The following TLN2 variants were observed in gnomAD, a reference collection of about 807,000 sequenced individuals.
The protein encoded by TLN2 is talin-2.
Under a neutral mutation model 294.7 loss-of-function variants are expected in TLN2, and 118 were observed. That is an observed-to-expected ratio of 0.40 (90% CI 0.34 to 0.47). The LOEUF (loss-of-function observed/expected upper bound fraction) is 0.47, where lower values mean the gene tolerates loss of function less well. Ranked by LOEUF, TLN2 falls within the 20% of genes least tolerant of loss-of-function variation. The pLI is 0.84. For missense variants in TLN2, 3,083 were observed against 3,282.2 expected (o/e 0.94, Z 1.48); for synonymous variants, 1,431 against 1,304.5 (o/e 1.10, Z -2.09).
In TLN2 at chr15:62,658,402, A is replaced by C. The variant is rs141100742; in HGVS notation, c.788+504A>C. ...CTTGACCCCAGTTTCACTTTGGTGG[A>C]AAGTAGTTGGGACCAGAGTATGCCT... On this transcript the variant is annotated intron_variant, in intron 9 of 58. Transcript: ENST00000636159. Among the ~76,000 whole-genome samples the C allele has an allele frequency of 1.4e-4, 21 of 152,280 alleles. No homozygotes were observed. In the East Asian group the frequency reaches 3.7e-3, roughly 27 times the overall value.
intron 52 of TLN2, among the ~76,000 whole-genome samples, chr15:62,812,983 C>G (rs1345761320): frequency 1.3e-5 from 2 of 152,192 alleles, no homozygotes; most frequent in Admixed American, 6.5e-5. Flanking sequence ...TTTTCTGTAA[C>G]AGGAAGAAGG....
chr15:62,666,273 T>C (rs2054624708), intron 9 of TLN2, among the ~76,000 whole-genome samples: 2 of 152,176 alleles, frequency 1.3e-5, no homozygotes, highest in African/African-American at 4.8e-5. Context: ...GTGTTGTCAG[T>C]GTGATAGCGC....
At chr15:62,542,076 C>T (rs929470041) in intron 1 of TLN2, among the ~76,000 whole-genome samples, 3 of 152,104 alleles carry the variant, frequency 2.0e-5, no homozygotes, top group African/African-American at 7.2e-5. Flanking sequence ...TTTCTTGTCC[C>T]TCACTGATCT....
intron 1 of TLN2, among the ~76,000 whole-genome samples, chr15:62,535,006 C>T (rs575643373): frequency 4.0e-4 from 61 of 152,300 alleles, no homozygotes; most frequent in Middle Eastern, 3.4e-3. Flanking sequence ...TGCCTAAGCT[C>T]TGTGAGGGCA....
Position 62,833,667 on chromosome 15 carries a change from G to A in TLN2, c.7128+38G>A, listed in dbSNP as rs79283871. 3,639 of 1,598,672 alleles carry A rather than the reference G, an allele frequency of 2.3e-3. 29 individuals carry two copies. Among genetic ancestry groups the A allele is most frequent in the African/African-American group, 0.022 (1,653 of 74,418 alleles). ...GCTGACCACATGCGGGACACTCAACGTACGAGAGCCTCAGGGGGCCCAGGA... is the reference window on the plus strand; with the variant it reads ...GCTGACCACATGCGGGACACTCAACATACGAGAGCCTCAGGGGGCCCAGGA... On this transcript the variant is annotated intron_variant, in intron 55 of 58. Transcript: ENST00000636159.
At chr15:62,631,518 C>CTTTCT (rs750976377) in intron 3 of TLN2, among the ~76,000 whole-genome samples, 1 of 89,648 alleles carries the variant, frequency 1.1e-5, no homozygotes. Context: ...TTCTTTCTTT[C>CTTTCT]TTCCTTTCCT....
chr15:62,451,451 T>C (rs545442915), intron 1 of TLN2, among the ~76,000 whole-genome samples: 23 of 152,130 alleles, frequency 1.5e-4, no homozygotes, highest in Non-Finnish European at 3.2e-4. Flanking sequence ...GGTCAGGAGA[T>C]CTAGACCATC....
At chr15:62,628,843 C>G (rs892505393) in intron 3 of TLN2, among the ~76,000 whole-genome samples, 1 of 152,174 alleles carries the variant, frequency 6.6e-6, no homozygotes, top group African/African-American at 2.4e-5. Context: ...GAGACTTAAC[C>G]TATTTGACAG....
intron 29 of TLN2, 74 bp downstream of exon 29, chr15:62,737,160 G>A: frequency 6.6e-7 from 1 of 1,519,952 alleles, no homozygotes; most frequent in Admixed American, 1.8e-5. Context: ...CTGTCTCCTG[G>A]GCACTTTTCC....
intron 1 of TLN2, among the ~76,000 whole-genome samples, chr15:62,487,058 G>C (rs1023391584): frequency 2.0e-5 from 3 of 152,086 alleles, no homozygotes; most frequent in South Asian, 2.1e-4. Flanking sequence ...TAACTATCCT[G>C]GTTGCCTTGG....
chr15:62,674,018 A>T (rs150594856), intron 10 of TLN2, 128 bp downstream of exon 10: 47 of 594,102 alleles, frequency 7.9e-5, no homozygotes, highest in Non-Finnish European at 4.3e-5. Flanking sequence ...ATGATTAGTG[A>T]CTCAAGAGTA....
intron 1 of TLN2, among the ~76,000 whole-genome samples, chr15:62,520,248 C>T (rs530878295): frequency 2.6e-5 from 4 of 152,326 alleles, no homozygotes; most frequent in African/African-American, 9.6e-5. Flanking sequence ...CTAAGAGCTA[C>T]GGAATGTATG....
At chr15:62,489,990 C>G (rs1218283951) in intron 1 of TLN2, among the ~76,000 whole-genome samples, 2 of 152,206 alleles carry the variant, frequency 1.3e-5, no homozygotes, top group African/African-American at 4.8e-5. Context: ...TCTCAAATTC[C>G]TGACTCATGA....
chr15:62,841,500 C>T lies in TLN2; in HGVS notation c.*890C>T, dbSNP rs934782676. On this transcript the variant is annotated 3_prime_UTR_variant, in exon 59 of 59. Transcript: ENST00000636159. ...CTCAGTGACTCATCTTTAGGTCCCACGCTGGTTTCTGTGCCTTCAGAATGG... is the reference window on the plus strand; with the variant it reads ...CTCAGTGACTCATCTTTAGGTCCCATGCTGGTTTCTGTGCCTTCAGAATGG... The T allele has an allele frequency of 3.2e-4, 48 of 152,146 alleles. No homozygotes were observed. Among genetic ancestry groups the T allele is most frequent in the African/African-American group, 1.1e-3 (45 of 41,432 alleles). The allele number at this position is 152,146 out of a possible 1,614,324, so 9.4% of individuals were successfully genotyped here. A position where few individuals can be genotyped will look rare whatever the true frequency, so the allele number is the denominator to read the frequency against.
chr15:62,420,637 TA>T (rs1433234392), intron 1 of TLN2, among the ~76,000 whole-genome samples: 1 of 152,178 alleles, frequency 6.6e-6, no homozygotes, highest in African/African-American at 2.4e-5. Flanking sequence ...GTGGTTAAGT[TA>T]AATATTAAAA....
chr15:62,459,749 GA>G (rs1364494830), intron 1 of TLN2, among the ~76,000 whole-genome samples: 1 of 152,140 alleles, frequency 6.6e-6, no homozygotes, highest in Non-Finnish European at 1.5e-5. Flanking sequence ...TCCTCCTGCT[GA>G]ATGTGATCCT....
intron 1 of TLN2, among the ~76,000 whole-genome samples, chr15:62,545,056 A>C (rs996451799): frequency 6.6e-6 from 1 of 151,364 alleles, no homozygotes; most frequent in African/African-American, 2.4e-5. Context: ...CAGCCTCCCA[A>C]GTAGCTGAGA....
chr15:62,726,950 C>T lies in TLN2; in HGVS notation c.3256-137C>T, dbSNP rs924795107. ...CTCGGGCTCCTTCTCCTGTACCACC[C>T]TGCTGCGGCTTAGTGCCATTGGTGG... On this transcript the variant is annotated intron_variant, in intron 27 of 58. Coordinates refer to ENST00000636159, the MANE Select transcript of TLN2 (RefSeq NM_015059.3). 20 of 855,102 alleles carry T rather than the reference C, an allele frequency of 2.3e-5. No individual in the cohort carries two copies. In the African/African-American group the frequency reaches 3.2e-4, roughly 14 times the overall value. 53.0% of individuals were successfully genotyped at this position (855,102 alleles called of 1,614,324 possible). A position where few individuals can be genotyped will look rare whatever the true frequency, so the allele number is the denominator to read the frequency against.
chr15:62,664,585 G>A (rs1283622298), intron 9 of TLN2, among the ~76,000 whole-genome samples: 5 of 151,902 alleles, frequency 3.3e-5, no homozygotes, highest in African/African-American at 7.3e-5. Flanking sequence ...GCAGCTGGGC[G>A]CGTTGGCCCA....
Sources: allele counts gnomAD v4.1 joint callset (sites outside exome capture counted in the v4.1 genomes callset), GRCh38; gene constraint gnomAD v4.1.1; transcripts MANE v1.5; gene names NCBI Gene and HGNC (gene_info 2026-07-23, HGNC 2026-07-21).